The following DLG2 variants were observed in gnomAD, a reference collection of about 807,000 sequenced individuals.
DLG2 encodes the protein discs large MAGUK scaffold protein 2.
In DLG2, 45 loss-of-function variants were observed where a neutral mutation model predicts 132.5. The ratio of observed to expected loss-of-function variants is 0.34; its 90% confidence interval spans 0.27 to 0.44. The LOEUF (loss-of-function observed/expected upper bound fraction) is 0.44. Among genes scored for constraint, DLG2 ranks in the 20% least tolerant of loss-of-function variants. DLG2 has a pLI of 1.00. For synonymous variants in DLG2, 424 were observed against 419.6 expected (o/e 1.01, Z -0.13); for missense variants, 1,045 against 1,196.9 (o/e 0.87, Z 1.87).
At chr11:84,913,131 T>C (rs1443746479) in intron 6 of DLG2, among the ~76,000 whole-genome samples, 3 of 152,134 alleles carry the variant, frequency 2.0e-5, no homozygotes, top group Non-Finnish European at 4.4e-5. Flanking sequence ...TAAAAATGAT[T>C]TCAATGTTTT....
chr11:84,151,410 T>C (rs1001170104), intron 9 of DLG2, among the ~76,000 whole-genome samples: 28 of 152,164 alleles, frequency 1.8e-4, no homozygotes, highest in African/African-American at 6.5e-4. Context: ...ATCTTTGTCA[T>C]TCCTGATTGT....
At chr11:85,381,350 A>G (rs538522583) in intron 3 of DLG2, among the ~76,000 whole-genome samples, 18 of 152,316 alleles carry the variant, frequency 1.2e-4, no homozygotes, top group African/African-American at 3.6e-4. Flanking sequence ...CAGCCTCTTC[A>G]ACATGAATAA....
chr11:83,888,363 G>C (rs536382238), intron 15 of DLG2, among the ~76,000 whole-genome samples: 3,838 of 152,056 alleles, frequency 0.025, 174 homozygotes, highest in African/African-American at 0.087. Flanking sequence ...GCTTCAAAGA[G>C]AATAAAATAC....
At chr11:84,488,271 C>G (rs2099155901) in intron 7 of DLG2, among the ~76,000 whole-genome samples, 1 of 152,064 alleles carries the variant, frequency 6.6e-6, no homozygotes, top group Non-Finnish European at 1.5e-5. Context: ...AATAGAGAAA[C>G]AGGAGGCCCC....
chr11:85,060,995 T>C (rs535491001), intron 6 of DLG2, among the ~76,000 whole-genome samples: 2 of 151,934 alleles, frequency 1.3e-5, no homozygotes, highest in Admixed American at 6.6e-5. Flanking sequence ...GTTAGTGATG[T>C]TGAGCATCTT....
At chr11:84,659,202 A>G (rs958510627) in intron 6 of DLG2, among the ~76,000 whole-genome samples, 9 of 152,092 alleles carry the variant, frequency 5.9e-5, no homozygotes, top group Admixed American at 4.6e-4. Context: ...ACTTGTAGGT[A>G]GCCTCAATCT....
chr11:83,458,964 G>A lies in DLG2; in HGVS notation c.*854C>T, dbSNP rs2089410094. ...CTTAACAGATCATTGGCAACAAAAG[G>A]GAGAGTGCAACTTTCAGGTCTTGAA... is the stretch of plus-strand genomic sequence containing the variant. On this transcript the variant is annotated 3_prime_UTR_variant, in exon 28 of 28. Coordinates refer to ENST00000376104, the MANE Select transcript of DLG2 (RefSeq NM_001142699.3). 2 of 152,210 alleles carry A rather than the reference G, an allele frequency of 1.3e-5. 1 individual carries two copies. The highest frequency in any genetic ancestry group is 4.8e-5 in the African/African-American group (2 of 41,448). 9.4% of individuals were successfully genotyped at this position (152,210 alleles called of 1,614,324 possible).
chr11:83,494,432 C>T (rs1488195790), intron 21 of DLG2, among the ~76,000 whole-genome samples: 1 of 151,372 alleles, frequency 6.6e-6, no homozygotes, highest in African/African-American at 2.4e-5. Flanking sequence ...AATTACTCCT[C>T]TGCCGGGCTC....
At chr11:85,018,874 C>T (rs1028039277) in intron 6 of DLG2, among the ~76,000 whole-genome samples, 1 of 148,674 alleles carries the variant, frequency 6.7e-6, no homozygotes, top group Admixed American at 6.7e-5. Flanking sequence ...TCAGGCTGTT[C>T]AAAAAATAAC....
intron 7 of DLG2, among the ~76,000 whole-genome samples, chr11:84,404,557 C>T (rs946933079): frequency 5.3e-5 from 8 of 152,054 alleles, no homozygotes; most frequent in African/African-American, 1.2e-4. Flanking sequence ...CCTATAGTAG[C>T]TATTAGGTAA....
intron 3 of DLG2, among the ~76,000 whole-genome samples, chr11:85,518,370 G>A (rs2094211093): frequency 6.6e-6 from 1 of 152,200 alleles, no homozygotes; most frequent in South Asian, 2.1e-4. Flanking sequence ...GTTGGGAACT[G>A]GAGCAAAGGT....
intron 6 of DLG2, among the ~76,000 whole-genome samples, chr11:84,993,776 C>T (rs2057373889): frequency 6.6e-6 from 1 of 152,166 alleles, no homozygotes; most frequent in Admixed American, 6.5e-5. Flanking sequence ...AGGGCCAAGT[C>T]CCAACTGTTT....
At chr11:84,965,266 T>G (rs1192903676) in intron 6 of DLG2, among the ~76,000 whole-genome samples, 1 of 152,018 alleles carries the variant, frequency 6.6e-6, no homozygotes, top group African/African-American at 2.4e-5. Flanking sequence ...GATCTCCCAG[T>G]GGCTGGGTTT....
intron 4 of DLG2, among the ~76,000 whole-genome samples, chr11:85,275,419 T>C (rs546187830): frequency 8.5e-5 from 13 of 152,314 alleles, no homozygotes; most frequent in African/African-American, 2.9e-4. Context: ...TTACTTACTT[T>C]CAATGACAGC....
chr11:85,401,457 C>T lies in DLG2; in HGVS notation c.41-116092G>A, dbSNP rs962958247. On this transcript the variant is annotated intron_variant, in intron 3 of 27. Transcript: ENST00000376104. ...ACAAGGACACCCTCTCTCACCACTC[C>T]TATTCCACATAGTATTGGAAGTTCT... Among the ~76,000 whole-genome samples the T allele has an allele frequency of 4.6e-5, 7 of 152,290 alleles. No individual in the cohort carries two copies. In the South Asian group the frequency reaches 8.3e-4, roughly 18 times the overall value.
chr11:85,303,211 T>C (rs937756288), intron 3 of DLG2, among the ~76,000 whole-genome samples: 4 of 152,148 alleles, frequency 2.6e-5, no homozygotes, highest in African/African-American at 9.7e-5. Context: ...ACAAGGAAGG[T>C]GGTGCTCTGG....
At chr11:84,944,490 T>C (rs1030601594) in intron 6 of DLG2, among the ~76,000 whole-genome samples, 1 of 152,096 alleles carries the variant, frequency 6.6e-6, no homozygotes, top group African/African-American at 2.4e-5. Flanking sequence ...AATTTTTTCT[T>C]CTGCTTGATC....
intron 4 of DLG2, among the ~76,000 whole-genome samples, chr11:85,188,339 A>G (rs2080275671): frequency 6.6e-6 from 1 of 152,204 alleles, no homozygotes; most frequent in Admixed American, 6.5e-5. Flanking sequence ...AAGAGATTAC[A>G]TAGATTGAAT....
At chr11:83,886,745 T>A (rs974169962) in intron 15 of DLG2, among the ~76,000 whole-genome samples, 2 of 152,108 alleles carry the variant, frequency 1.3e-5, no homozygotes, top group Non-Finnish European at 2.9e-5. Context: ...TATAACAAAC[T>A]GTCTCTCAGA....
Sources: gnomAD v4.1 joint callset for allele counts (sites outside exome capture counted in the v4.1 genomes callset) on GRCh38, gnomAD v4.1.1 for gene constraint, MANE v1.5 for transcripts, NCBI Gene and HGNC (gene_info 2026-07-23, HGNC 2026-07-21) for gene names.